ENPP3: variants seen among roughly 807,000 people sequenced by gnomAD.
ENPP3 encodes ectonucleotide pyrophosphatase/phosphodiesterase 3.
ENPP3 carries 104 observed loss-of-function variants against 117.8 expected under a neutral mutation model. The ratio of observed to expected loss-of-function variants is 0.88; its 90% CI spans 0.75 to 1.04. The LOEUF (loss-of-function observed/expected upper bound fraction) is 1.04. ENPP3 is among the 50% of genes least tolerant of loss of function. ENPP3 has a pLI of 0.00. For missense variants in ENPP3, 1,026 were observed against 1,051.9 expected (o/e 0.98, Z 0.34); for synonymous variants, 380 against 349.9 (o/e 1.09, Z -0.96).
At chr6:131,663,063 T>C (rs1187415912) in intron 6 of ENPP3, among the ~76,000 whole-genome samples, 1 of 152,092 alleles carries the variant, frequency 6.6e-6, no homozygotes, top group Non-Finnish European at 1.5e-5. Context: ...TAAATTTATT[T>C]AGAGCTTTCA....
intron 14 of ENPP3, among the ~76,000 whole-genome samples, chr6:131,693,227 A>T (rs142260471): frequency 0.013 from 1,946 of 151,510 alleles, 41 homozygotes; most frequent in African/African-American, 0.044. Context: ...CCCAGGCTGG[A>T]GTGCAATGGG....
chr6:131,746,338 G>A (rs62424763), intron 24 of ENPP3, among the ~76,000 whole-genome samples: 2,279 of 151,940 alleles, frequency 0.015, 33 homozygotes, highest in Non-Finnish European at 0.024. Flanking sequence ...GATTACAAAC[G>A]TTAATACCGA....
At chr6:131,705,889 T>C (rs1425339401) in intron 15 of ENPP3, among the ~76,000 whole-genome samples, 6 of 134,130 alleles carry the variant, frequency 4.5e-5, no homozygotes, top group Admixed American at 1.5e-4. Flanking sequence ...CGTAATAATA[T>C]TGTAGCACAA....
intron 11 of ENPP3, among the ~76,000 whole-genome samples, chr6:131,678,921 CTT>C (rs1391745045): frequency 1.4e-5 from 1 of 69,588 alleles, no homozygotes; most frequent in African/African-American, 9.0e-5. Context: ...TTCTTTCTTT[CTT>C]TCTTTCTTTC....
intron 24 of ENPP3, 89 bp from the exon 25 acceptor site, chr6:131,746,697 A>T: frequency 8.2e-7 from 1 of 1,215,730 alleles, no homozygotes; most frequent in Non-Finnish European, 1.2e-6. Context: ...AATCATCGGC[A>T]AAAAGACAAC....
intron 8 of ENPP3, among the ~76,000 whole-genome samples, chr6:131,674,583 T>C (rs1778824263): frequency 7.3e-6 from 1 of 136,428 alleles, no homozygotes; most frequent in Non-Finnish European, 1.5e-5. Context: ...TTTTTTTTTC[T>C]TTTTTTTTGA....
intron 21 of ENPP3, 96 bp downstream of exon 21, chr6:131,733,819 C>T: frequency 7.6e-7 from 1 of 1,315,602 alleles, no homozygotes; most frequent in Non-Finnish European, 1.1e-6. Context: ...CCAAAACTAC[C>T]TGCTTGGGTA....
At chr6:131,717,317 C>G (rs984555989) in intron 15 of ENPP3, among the ~76,000 whole-genome samples, 1 of 145,358 alleles carries the variant, frequency 6.9e-6, no homozygotes, top group Non-Finnish European at 1.5e-5. Context: ...TTAGTCGAGT[C>G]GAGTTTGTAA....
Position 131,665,963 on chromosome 6 carries a change from T to C in ENPP3, c.563-5285T>C, listed in dbSNP as rs57908822. ...CTCCTTTGATTTCTTCTTTGACCCA[T>C]TGGTTGTTCAAAAGTGTGTTACATA... On this transcript the variant is annotated intron_variant, in intron 6 of 24. Coordinates refer to ENST00000357639, the MANE Select transcript of ENPP3 (RefSeq NM_005021.5). 5.5e-3 allele frequency among the ~76,000 whole-genome samples: 835 copies of C among 152,274 alleles called. 5 individuals carry two copies. The highest frequency in any genetic ancestry group is 0.019 in the African/African-American group (797 of 41,566).
rs199881598 is a variant in ENPP3, at chr6:131,735,178, T to TA, written c.2089+1467dup. On this transcript the variant is annotated intron_variant, in intron 21 of 24. Coordinates refer to ENST00000357639, the MANE Select transcript of ENPP3 (RefSeq NM_005021.5). The stretch of plus-strand genomic sequence containing the variant: ...GGCAACATAGTGAGATCTTGTCAGT[T>TA]AAAAAAAAAAAATCAAGGATAAAAT... Among the ~76,000 whole-genome samples, 60 of 147,062 alleles carry TA rather than the reference T, an allele frequency of 4.1e-4. 1 individual carries two copies. The highest frequency in any genetic ancestry group is 3.7e-3 in the South Asian group (17 of 4,648).
rs780707010 is a variant in ENPP3 at position 131,637,395 on chromosome 6, C to T, written c.11C>T (p.Thr4Met). ...GCAGCTACCAGGACAATGGAATCTA[C>T]GTTGACTTTAGCAACGGAACAACCT... MESTLTLATEQPVK... is the reference protein window; with the variant it reads MESMLTLATEQPVK... The change falls in exon 1 of 25, where the codon ACG (threonine) becomes ATG (methionine). Residue 4 changes from threonine to methionine, a missense_variant. Coordinates refer to ENST00000357639, the MANE Select transcript of ENPP3 (RefSeq NM_005021.5). 58 of 1,595,250 alleles carry T rather than the reference C, an allele frequency of 3.6e-5. No homozygotes were observed. The highest frequency in any genetic ancestry group is 1.7e-4 in the Middle Eastern group (1 of 6,036).
At chr6:131,733,347 A>C (rs981101527) in intron 20 of ENPP3, among the ~76,000 whole-genome samples, 2 of 152,138 alleles carry the variant, frequency 1.3e-5, no homozygotes, top group African/African-American at 4.8e-5. Context: ...TTCAGGTTTC[A>C]CTGTGCAAAT....
At chr6:131,690,908 C>T (rs9483322) in intron 14 of ENPP3, among the ~76,000 whole-genome samples, 2,897 of 152,088 alleles carry the variant, frequency 0.019, 94 homozygotes, top group African/African-American at 0.066. Flanking sequence ...AACATGTGGA[C>T]TCTCTAAATC....
At chr6:131,701,073 T>A in intron 15 of ENPP3, 1 of 550,796 alleles carries the variant, frequency 1.8e-6, no homozygotes, top group Non-Finnish European at 3.0e-6. Context: ...GAGGAGACAT[T>A]CTGTGACAGC....
At chr6:131,731,219 T>C (rs1244605977) in intron 20 of ENPP3, among the ~76,000 whole-genome samples, 1 of 152,218 alleles carries the variant, frequency 6.6e-6, no homozygotes, top group Non-Finnish European at 1.5e-5. Context: ...TCTTCTCCCT[T>C]ATTCCCCAGT....
intron 22 of ENPP3, 68 bp downstream of exon 22, chr6:131,737,500 C>T (rs1192458131): frequency 4.5e-6 from 4 of 895,818 alleles, no homozygotes; most frequent in African/African-American, 1.7e-5. Context: ...AAACTAAACA[C>T]ATATTTTTTT....
At chr6:131,729,492 A>G (rs142539719) in intron 20 of ENPP3, among the ~76,000 whole-genome samples, 19 of 152,286 alleles carry the variant, frequency 1.2e-4, no homozygotes, top group African/African-American at 4.3e-4. Flanking sequence ...CTCATCATTT[A>G]CTTCTCCAGT....
intron 18 of ENPP3, among the ~76,000 whole-genome samples, chr6:131,723,802 T>TTCTCTC (rs4053085): frequency 0.012 from 1,685 of 137,020 alleles, 14 homozygotes; most frequent in African/African-American, 0.018. Flanking sequence ...TTTTTGCAAA[T>TTCTCTC]TCTCTCTCTC....
chr6:131,730,029 G>A (rs535153302), intron 20 of ENPP3, among the ~76,000 whole-genome samples: 68 of 152,054 alleles, frequency 4.5e-4, no homozygotes, highest in Non-Finnish European at 7.8e-4. Context: ...AACTTTCTTC[G>A]TTAACATTTT....
Sources: gnomAD v4.1 joint callset for allele counts (sites outside exome capture counted in the v4.1 genomes callset) on GRCh38, gnomAD v4.1.1 for gene constraint, MANE v1.5 for transcripts, NCBI Gene and HGNC (gene_info 2026-07-23, HGNC 2026-07-21) for gene names.